The following COL24A1 variants were observed in gnomAD, a reference collection of about 807,000 sequenced individuals.
COL24A1 encodes collagen type XXIV alpha 1 chain, also known as collagen alpha-1(XXIV) chain.
COL24A1 carries 224 observed loss-of-function variants against 253.9 expected under a neutral mutation model. The observed-to-expected ratio is 0.88, with a 90% CI of 0.79 to 0.99. The LOEUF (loss-of-function observed/expected upper bound fraction) is 0.99, where lower values mean the gene tolerates loss of function less well. Among genes scored for constraint, COL24A1 ranks in the 50% least tolerant of loss-of-function variants. COL24A1 has a pLI of 0.00. For missense variants in COL24A1, 2,131 were observed against 2,068.5 expected (o/e 1.03, Z -0.59); for synonymous variants, 685 against 673.7 (o/e 1.02, Z -0.26).
intron 6 of COL24A1, among the ~76,000 whole-genome samples, chr1:86,090,502 C>A (rs1289877565): frequency 6.6e-6 from 1 of 152,130 alleles, no homozygotes; most frequent in African/African-American, 2.4e-5. Flanking sequence ...TTATTTTTCT[C>A]TTTCACCATT....
chr1:85,830,516 C>T (rs1236843346), intron 43 of COL24A1, among the ~76,000 whole-genome samples: 1 of 152,162 alleles, frequency 6.6e-6, no homozygotes, highest in East Asian at 1.9e-4. Context: ...TGCCCCTCCC[C>T]CAGCCTGGCT....
At chr1:86,037,489 C>G (rs960193610) in intron 12 of COL24A1, among the ~76,000 whole-genome samples, 11 of 152,256 alleles carry the variant, frequency 7.2e-5, no homozygotes, top group Middle Eastern at 3.4e-3. Context: ...GTCTATAGGA[C>G]CTGAGAGTGG....
At chr1:85,850,313 T>C (rs1358670149) in intron 37 of COL24A1, among the ~76,000 whole-genome samples, 1 of 152,180 alleles carries the variant, frequency 6.6e-6, no homozygotes, top group East Asian at 1.9e-4. Flanking sequence ...TCCCAAAAGC[T>C]TGGCAAATTG....
At chr1:85,755,676 G>T (rs1476019499) in intron 55 of COL24A1, among the ~76,000 whole-genome samples, 1 of 151,870 alleles carries the variant, frequency 6.6e-6, no homozygotes, top group Admixed American at 6.6e-5. Flanking sequence ...TATCCACATG[G>T]GATAGAATGA....
chr1:85,908,560 C>A, intron 27 of COL24A1, 38 bp downstream of exon 27: 2 of 1,163,752 alleles, frequency 1.7e-6, no homozygotes, highest in Non-Finnish European at 2.4e-6. Flanking sequence ...TTAAAGTAAA[C>A]ATTCCGGAAG....
At chr1:85,897,530 A>G (rs1276376766) in intron 28 of COL24A1, among the ~76,000 whole-genome samples, 2 of 152,148 alleles carry the variant, frequency 1.3e-5, no homozygotes, top group Admixed American at 1.3e-4. Flanking sequence ...TTACTGGGAG[A>G]TGGCAGGGGC....
chr1:85,845,037 A>C (rs1677021757), intron 39 of COL24A1, among the ~76,000 whole-genome samples: 1 of 152,006 alleles, frequency 6.6e-6, no homozygotes, highest in South Asian at 2.1e-4. Context: ...GGAATGAAGA[A>C]ATAGGCCTAC....
chr1:85,754,934 C>G (rs981329329), intron 55 of COL24A1, among the ~76,000 whole-genome samples: 1 of 152,128 alleles, frequency 6.6e-6, no homozygotes. Flanking sequence ...TGGCTGAAAA[C>G]ATCACAAATC....
At chr1:85,794,796 T>C (rs1670644355) in intron 47 of COL24A1, among the ~76,000 whole-genome samples, 1 of 152,174 alleles carries the variant, frequency 6.6e-6, no homozygotes, top group East Asian at 1.9e-4. Context: ...TGGTCAGAGA[T>C]GCCAAAAATC....
chr1:86,015,556 C>T (rs556882477), intron 19 of COL24A1, among the ~76,000 whole-genome samples: 2 of 152,130 alleles, frequency 1.3e-5, no homozygotes, highest in African/African-American at 4.8e-5. Context: ...ATAGCCATTT[C>T]TAGTGTACAT....
At chr1:85,826,079 T>C (rs945025104) in intron 43 of COL24A1, among the ~76,000 whole-genome samples, 8 of 139,206 alleles carry the variant, frequency 5.7e-5, no homozygotes, top group Admixed American at 2.2e-4. Context: ...AAGTCTTTAA[T>C]CCATCTTGAA....
chr1:85,801,129 A>C (rs1221569381), intron 47 of COL24A1, among the ~76,000 whole-genome samples: 3 of 152,194 alleles, frequency 2.0e-5, no homozygotes, highest in Non-Finnish European at 2.9e-5. Context: ...CTTACCTATT[A>C]TAATCACTCC....
chr1:86,072,265 A>T (rs1389318512), intron 7 of COL24A1, among the ~76,000 whole-genome samples: 1 of 152,152 alleles, frequency 6.6e-6, no homozygotes, highest in Non-Finnish European at 1.5e-5. Context: ...ACTGGCTTGA[A>T]ATTCTTGCTG....
At chr1:85,823,804 T>A (rs1673913536) in intron 43 of COL24A1, 66 bp from the exon 44 acceptor site, 2 of 1,399,158 alleles carry the variant, frequency 1.4e-6, no homozygotes, top group African/African-American at 2.9e-5. Context: ...AATAGGATAC[T>A]ATCACTTAAA....
intron 20 of COL24A1, among the ~76,000 whole-genome samples, chr1:85,972,824 T>C (rs1692309510): frequency 6.6e-6 from 1 of 150,766 alleles, no homozygotes; most frequent in Non-Finnish European, 1.5e-5. Flanking sequence ...GGGAATAGCA[T>C]TAAGAATGAG....
chr1:85,993,969 T>C (rs1199896981), intron 19 of COL24A1, among the ~76,000 whole-genome samples: 1 of 152,038 alleles, frequency 6.6e-6, no homozygotes. Flanking sequence ...AATTGAAACT[T>C]TTCTGATATT....
At chr1:86,064,827 A>AT (rs1701351358) in intron 7 of COL24A1, among the ~76,000 whole-genome samples, 1 of 152,198 alleles carries the variant, frequency 6.6e-6, no homozygotes, top group Non-Finnish European at 1.5e-5. Context: ...AGAGGTGCCT[A>AT]TTTGAAAACT....
At chr1:86,061,612 A>G (rs972089002) in intron 8 of COL24A1, among the ~76,000 whole-genome samples, 5 of 152,100 alleles carry the variant, frequency 3.3e-5, no homozygotes, top group African/African-American at 1.2e-4. Context: ...AAGTTCTGCT[A>G]TACTAGAACA....
intron 24 of COL24A1, among the ~76,000 whole-genome samples, chr1:85,919,942 T>A (rs1323509431): frequency 3.9e-5 from 6 of 152,212 alleles, no homozygotes; most frequent in Non-Finnish European, 8.8e-5. Flanking sequence ...TATTTGAAAG[T>A]TAATCTCACA....
Sources: allele counts gnomAD v4.1 joint callset (sites outside exome capture counted in the v4.1 genomes callset), GRCh38; gene constraint gnomAD v4.1.1; transcripts MANE v1.5; gene names NCBI Gene and HGNC (gene_info 2026-07-23, HGNC 2026-07-21).